FTO: variants seen among roughly 807,000 people sequenced by gnomAD.
The protein encoded by FTO is FTO alpha-ketoglutarate dependent dioxygenase, also known as alpha-ketoglutarate-dependent dioxygenase FTO.
In FTO, 47 loss-of-function variants were observed where a neutral mutation model predicts 63.9. The observed-to-expected ratio is 0.74, with a 90% CI of 0.58 to 0.94. FTO has a LOEUF of 0.94. Ranked by LOEUF, FTO falls within the 40% of genes least tolerant of loss-of-function variation. The pLI is 0.00. For synonymous variants in FTO, 207 were observed against 224.4 expected, an observed-to-expected ratio of 0.92 and a Z score of 0.69; for missense variants, 562 against 618.1, an observed-to-expected ratio of 0.91 and a Z score of 0.96.
At chr16:53,869,573 T>C (rs2080437206) in intron 4 of FTO, among the ~76,000 whole-genome samples, 1 of 151,426 alleles carries the variant, frequency 6.6e-6, no homozygotes, top group Non-Finnish European at 1.5e-5. Context: ...TTTTTCTCTT[T>C]GCTTTTCAGT....
intron 2 of FTO, among the ~76,000 whole-genome samples, chr16:53,818,763 C>T (rs947308144): frequency 2.0e-5 from 3 of 151,680 alleles, no homozygotes; most frequent in Non-Finnish European, 4.4e-5. Context: ...TAGTTTCCTA[C>T]TGACTTCCAA....
At chr16:54,074,082 C>T (rs935872662) in intron 8 of FTO, among the ~76,000 whole-genome samples, 1 of 151,696 alleles carries the variant, frequency 6.6e-6, no homozygotes, top group African/African-American at 2.4e-5. Flanking sequence ...TAGTTCTACC[C>T]TCGAAAACTG....
At chr16:54,005,779 G>A (rs117640968) in intron 8 of FTO, among the ~76,000 whole-genome samples, 3,631 of 152,316 alleles carry the variant, frequency 0.024, 56 homozygotes, top group Non-Finnish European at 0.034. Flanking sequence ...GACTGGAGCG[G>A]AATTTGGTTT....
At chr16:53,994,868 G>A (rs1192699408) in intron 8 of FTO, among the ~76,000 whole-genome samples, 1 of 151,792 alleles carries the variant, frequency 6.6e-6, no homozygotes, top group Non-Finnish European at 1.5e-5. Flanking sequence ...CGAGTAGCTG[G>A]GTTTACAGGT....
At chr16:54,024,909 A>G (rs1040042737) in intron 8 of FTO, among the ~76,000 whole-genome samples, 1 of 152,254 alleles carries the variant, frequency 6.6e-6, no homozygotes, top group Non-Finnish European at 1.5e-5. Flanking sequence ...TAACTAGTCA[A>G]TAGATTTTAT....
intron 7 of FTO, among the ~76,000 whole-genome samples, chr16:53,893,524 T>C (rs2081204787): frequency 6.6e-6 from 1 of 152,222 alleles, no homozygotes; most frequent in East Asian, 1.9e-4. Flanking sequence ...TCTCAGGGTC[T>C]GGTATCGCTC....
intron 7 of FTO, among the ~76,000 whole-genome samples, chr16:53,913,703 G>T (rs745947945): frequency 5.9e-5 from 9 of 152,158 alleles, no homozygotes; most frequent in Non-Finnish European, 1.2e-4. Flanking sequence ...CGTAGACCTG[G>T]CGCAGTGGCT....
intron 7 of FTO, among the ~76,000 whole-genome samples, chr16:53,892,132 A>T (rs1185217076): frequency 6.6e-6 from 1 of 152,068 alleles, no homozygotes; most frequent in Non-Finnish European, 1.5e-5. Flanking sequence ...TGTTGGATGA[A>T]TCTACGGTTC....
chr16:53,772,888 T>G (rs1754294983), intron 1 of FTO, among the ~76,000 whole-genome samples: 1 of 152,120 alleles, frequency 6.6e-6, no homozygotes, highest in African/African-American at 2.4e-5. Context: ...ATATACAAAG[T>G]TTGCTACTTT....
intron 1 of FTO, among the ~76,000 whole-genome samples, chr16:53,729,803 T>C (rs2076233690): frequency 6.6e-6 from 1 of 152,156 alleles, no homozygotes; most frequent in Admixed American, 6.5e-5. Flanking sequence ...GATGTATCTT[T>C]CAACAATGTC....
At chr16:53,986,282 C>T (rs754482996) in intron 8 of FTO, among the ~76,000 whole-genome samples, 5 of 152,144 alleles carry the variant, frequency 3.3e-5, no homozygotes, top group East Asian at 1.9e-4. Flanking sequence ...TGAGAGTGAA[C>T]GTTACCCAGC....
chr16:53,709,398 G>A (rs1226458688), intron 1 of FTO, among the ~76,000 whole-genome samples: 1 of 152,182 alleles, frequency 6.6e-6, no homozygotes, highest in Non-Finnish European at 1.5e-5. Context: ...TAGAACCATG[G>A]CGTCTACTAT....
intron 8 of FTO, chr16:54,040,605 AG>A (rs1276064591): frequency 1.3e-5 from 2 of 152,206 alleles, no homozygotes; most frequent in African/African-American, 4.8e-5. Flanking sequence ...CTTCTCTGAG[AG>A]GTGACATTTG....
chr16:53,859,940 A>C (rs997951014), intron 4 of FTO, among the ~76,000 whole-genome samples: 2 of 152,214 alleles, frequency 1.3e-5, no homozygotes, highest in Non-Finnish European at 2.9e-5. Flanking sequence ...TTTGGTATAC[A>C]TATCCAAAGG....
In FTO at chr16:54,067,935, G is replaced by A. The variant is rs555084363; in HGVS notation, c.1365-43827G>A. Among the ~76,000 whole-genome samples the A allele has an allele frequency of 8.0e-4, 122 of 152,146 alleles. 1 individual carries two copies. The highest frequency in any genetic ancestry group is 1.4e-3 in the Non-Finnish European group (92 of 67,982). On this transcript the variant is annotated intron_variant, in intron 8 of 8. Coordinates refer to ENST00000471389, the MANE Select transcript of FTO (RefSeq NM_001080432.3). ...GAGCAGCAAATGCAGTCTTACTGAC[G>A]GGCTGTCACTCAGTTTTACACATTC... is the stretch of plus-strand genomic sequence containing the variant.
chr16:53,930,221 C>CTTTTTTTTT (rs1014205147), intron 7 of FTO, among the ~76,000 whole-genome samples: 5 of 75,694 alleles, frequency 6.6e-5, no homozygotes, highest in Non-Finnish European at 7.6e-5. Context: ...TGATTATCTT[C>CTTTTTTTTT]TTTTTTTTTT....
chr16:53,811,225 G>A (rs1316504713), intron 2 of FTO, among the ~76,000 whole-genome samples: 3 of 152,206 alleles, frequency 2.0e-5, no homozygotes, highest in Non-Finnish European at 2.9e-5. Context: ...AGAAGGAAGA[G>A]TAGGCCCTCT....
rs2080570325 is a variant in FTO, at chr16:53,873,786, A to C, written c.896A>C (p.Asp299Ala). The change falls in exon 5 of 9, where the codon GAT becomes GCT. Residue 299 changes from aspartate to alanine, a missense_variant and splice_region_variant. Asp to Ala is a moderately radical substitution (Grantham distance 126). Transcript: ENST00000471389. ...LHQGDCYFML[D>A]DLNATHQHCV... is the part of the protein sequence containing the mutation. Reference sequence around the variant, plus strand: ...TACATTTCTGGTGTTTTTCCTGTAGATGATCTCAATGCCACCCACCAACAC... The same window carrying C: ...TACATTTCTGGTGTTTTTCCTGTAGCTGATCTCAATGCCACCCACCAACAC... 6.2e-7 allele frequency: 1 copy of C among 1,612,290 alleles called. No individual in the cohort carries two copies. Among genetic ancestry groups the C allele is most frequent in the African/African-American group, 1.3e-5 (1 of 74,850 alleles).
chr16:54,009,324 C>T (rs1317192809), intron 8 of FTO, among the ~76,000 whole-genome samples: 1 of 152,138 alleles, frequency 6.6e-6, no homozygotes, highest in Non-Finnish European at 1.5e-5. Context: ...ATTCTTACAA[C>T]TTCTCTGCAA....
Sources: gnomAD v4.1 joint callset for allele counts (sites outside exome capture counted in the v4.1 genomes callset) on GRCh38, gnomAD v4.1.1 for gene constraint, MANE v1.5 for transcripts, NCBI Gene and HGNC (gene_info 2026-07-23, HGNC 2026-07-21) for gene names.